Variants in TMEM219 observed in about 807,000 individuals in gnomAD.
TMEM219 encodes transmembrane protein 219, also known as insulin-like growth factor-binding protein 3 receptor.
A neutral mutation model predicts 17.9 loss-of-function variants in TMEM219; 18 were observed. The ratio of observed to expected loss-of-function variants is 1.01; its 90% CI spans 0.70 to 1.49. The LOEUF (loss-of-function observed/expected upper bound fraction) is 1.49, where lower values mean the gene tolerates loss of function less well. Among genes scored for constraint, TMEM219 ranks in the 40% most tolerant of loss-of-function variants. TMEM219 has a pLI of 0.00. For missense variants in TMEM219, 288 were observed against 292.4 expected (o/e 0.99, Z 0.11); for synonymous variants, 113 against 124.0 (o/e 0.91, Z 0.59).
intron 4 of TMEM219, among the ~76,000 whole-genome samples, chr16:29,969,601 C>G (rs1026837182): frequency 1.5e-4 from 23 of 151,640 alleles, no homozygotes; most frequent in African/African-American, 5.3e-4. Flanking sequence ...ATCCTTTGAT[C>G]CCAGGAGTTT....
At position 29,966,386 on chromosome 16, in the gene TMEM219, T is replaced by C. The variant is rs191789259; in HGVS notation, c.356-1639T>C. Among the ~76,000 whole-genome samples, 7 of 152,324 alleles carry C rather than the reference T, an allele frequency of 4.6e-5. No homozygotes were observed. The East Asian group carries it at 1.2e-3, about 25-fold the overall frequency. On this transcript the variant is annotated intron_variant, in intron 3 of 5. Transcript: ENST00000279396. ...ATATATTATAGGTATTTTCAATATGTTACTTGTTTTTTTAACTTATCTTTC... is the reference window on the plus strand; with the variant it reads ...ATATATTATAGGTATTTTCAATATGCTACTTGTTTTTTTAACTTATCTTTC...
chr16:29,969,203 T>TC (rs1423940062), intron 4 of TMEM219, among the ~76,000 whole-genome samples: 5 of 147,472 alleles, frequency 3.4e-5, no homozygotes, highest in Admixed American at 2.0e-4. Context: ...TTTTTTTTTT[T>TC]TTTTTTTTTT....
chr16:29,963,965 G>A (rs1024429963), intron 3 of TMEM219, among the ~76,000 whole-genome samples: 1 of 151,216 alleles, frequency 6.6e-6, no homozygotes, highest in African/African-American at 2.4e-5. Context: ...GGCAGATCAC[G>A]AGGTTAGGAG....
In TMEM219 at chr16:29,968,387, C is replaced by T. The variant is rs924212346; in HGVS notation, c.585+133C>T. On this transcript the variant is annotated intron_variant, in intron 4 of 5. Coordinates refer to ENST00000279396, the MANE Select transcript of TMEM219 (RefSeq NM_001083613.2). Reference sequence around the variant, plus strand: ...TAACCCTGCCTTGGGGGCTGTGTGACGTAGAACAAGTGTCTAAACATCTCT... The same window carrying T: ...TAACCCTGCCTTGGGGGCTGTGTGATGTAGAACAAGTGTCTAAACATCTCT... 11 of 674,838 alleles carry T rather than the reference C, an allele frequency of 1.6e-5. No homozygotes were observed. The Middle Eastern group carries it at 1.2e-3, about 75-fold the overall frequency. The allele number at this position is 674,838 out of a possible 1,614,324, so 41.8% of individuals were successfully genotyped here.
At chr16:29,965,548 G>A (rs1489470015) in intron 3 of TMEM219, among the ~76,000 whole-genome samples, 2 of 126,144 alleles carry the variant, frequency 1.6e-5, no homozygotes, top group African/African-American at 3.1e-5. Flanking sequence ...GCAAGACTCT[G>A]TCTCTACTAA....
At chr16:29,964,809 CTTCTGTGATT>C (rs1216610924) in intron 3 of TMEM219, among the ~76,000 whole-genome samples, 2 of 152,176 alleles carry the variant, frequency 1.3e-5, no homozygotes, top group Admixed American at 1.3e-4. Context: ...ACTTTAGTCA[CTTCTGTGATT>C]AGGGCTTTCA....
Position 29,968,093 on chromosome 16 carries a change from C to G in TMEM219, c.424C>G (p.Leu142Val). 6.2e-7 allele frequency: 1 copy of G among 1,614,154 alleles called. No individual in the cohort carries two copies. The highest frequency in any genetic ancestry group is 8.5e-7 in the Non-Finnish European group (1 of 1,180,030). Residue 142 changes from leucine (L) to valine (V), a missense_variant, in exon 4 of 6, where the codon CTA (leucine) becomes GTA (valine). By Grantham distance (32) the Leu-to-Val change is conservative (BLOSUM62 1). Coordinates refer to ENST00000279396, the MANE Select transcript of TMEM219 (RefSeq NM_001083613.2). ...CACAGAAAGGACTGCAGGAACCTGCCTATATTTTAGTGCTGTTCCAGGAAT... is the reference window on the plus strand; with the variant it reads ...CACAGAAAGGACTGCAGGAACCTGCGTATATTTTAGTGCTGTTCCAGGAAT... ...VTTERTAGTCLYFSAVPGILP... is the reference protein window; with the variant it reads ...VTTERTAGTCVYFSAVPGILP...
rs192450438 is a variant in TMEM219, at chr16:29,963,865, A to C, written c.355+276A>C. On this transcript the variant is annotated intron_variant, in intron 3 of 5. Transcript: ENST00000279396. ...ACCATTGCACTCCAGCCTGGGTGAC[A>C]GAGCAAGACTCTGTCTCAAAAAAAA... Among the ~76,000 whole-genome samples the C allele has an allele frequency of 2.2e-4, 30 of 138,238 alleles. No individual in the cohort carries two copies. In the East Asian group the frequency reaches 4.4e-3, roughly 20 times the overall value. The allele number at this position is 138,238 out of a possible 152,430, so 90.7% of individuals were successfully genotyped here.
rs553708059 is a variant in TMEM219, at chr16:29,970,411, G to A, written c.586-997G>A. Among the ~76,000 whole-genome samples, 295 of 144,970 alleles carry A rather than the reference G, an allele frequency of 2.0e-3. 1 individual carries two copies. The highest frequency in any genetic ancestry group is 0.011 in the Middle Eastern group (3 of 276). On this transcript the variant is annotated intron_variant, in intron 4 of 5. Transcript: ENST00000279396. ...GCAATCTCAGCTTACTGCAAGCTCC[G>A]CCTCCCAGGTTCACGCCATTCTCCT... is the stretch of plus-strand genomic sequence containing the variant.
intron 4 of TMEM219, among the ~76,000 whole-genome samples, chr16:29,970,545 C>T (rs561968608): frequency 1.3e-5 from 2 of 151,864 alleles, no homozygotes; most frequent in South Asian, 2.1e-4. Context: ...AGGATGGTCT[C>T]AATCTCCTGA....
At chr16:29,968,388 G>A (rs771246360) in intron 4 of TMEM219, 134 bp downstream of exon 4, 16 of 662,172 alleles carry the variant, frequency 2.4e-5, no homozygotes, top group South Asian at 3.8e-5. Flanking sequence ...GCTGTGTGAC[G>A]TAGAACAAGT....
In TMEM219 at chr16:29,963,608, T is replaced by G. The variant is rs1596575488; in HGVS notation, c.355+19T>G. The G allele has an allele frequency of 6.2e-7, 1 of 1,608,406 alleles. No individual in the cohort carries two copies. The highest frequency in any genetic ancestry group is 8.5e-7 in the Non-Finnish European group (1 of 1,176,696). Reference sequence around the variant, plus strand: ...TTGAAAGGTGAGATCAGAGGCTGGGTGTGGTGGCTCACGCCTGTAATCCCA... The same window carrying G: ...TTGAAAGGTGAGATCAGAGGCTGGGGGTGGTGGCTCACGCCTGTAATCCCA... On this transcript the variant is annotated intron_variant, in intron 3 of 5. Coordinates refer to ENST00000279396, the MANE Select transcript of TMEM219 (RefSeq NM_001083613.2).
chr16:29,968,511 C>T lies in TMEM219; in HGVS notation c.585+257C>T, dbSNP rs941899901. The T allele has an allele frequency of 1.1e-4, 45 of 416,222 alleles. 1 individual carries two copies. The South Asian group carries it at 1.7e-3, about 15-fold the overall frequency. 25.8% of individuals were successfully genotyped at this position (416,222 alleles called of 1,614,324 possible). A position where few individuals can be genotyped will look rare whatever the true frequency, so the allele number is the denominator to read the frequency against. Reference sequence around the variant, plus strand: ...GAGAATGACCGTGAAGTGCCCAGCACATTGCCTGGGACATAGAGATTTGAT... The same window carrying T: ...GAGAATGACCGTGAAGTGCCCAGCATATTGCCTGGGACATAGAGATTTGAT... On this transcript the variant is annotated intron_variant, in intron 4 of 5. Coordinates refer to ENST00000279396, the MANE Select transcript of TMEM219 (RefSeq NM_001083613.2).
chr16:29,967,589 C>T lies in TMEM219; in HGVS notation c.356-436C>T, dbSNP rs573455566. On this transcript the variant is annotated intron_variant, in intron 3 of 5. Transcript: ENST00000279396. ...TCGTGCCACTGCACTCCAACCTGCA[C>T]GACAAAGTGAGACCCCATCTCAAAA... 1.1e-4 allele frequency among the ~76,000 whole-genome samples: 17 copies of T among 151,736 alleles called. No individual in the cohort carries two copies. The South Asian group carries it at 2.9e-3, about 26-fold the overall frequency.
intron 5 of TMEM219, chr16:29,971,843 G>A (rs1415081935): frequency 1.5e-5 from 4 of 258,820 alleles, no homozygotes; most frequent in Non-Finnish European, 3.0e-5. Context: ...AGGACAGCTT[G>A]GCAAATTATT....
At chr16:29,967,789 T>C (rs2069231274) in intron 3 of TMEM219, among the ~76,000 whole-genome samples, 2 of 152,016 alleles carry the variant, frequency 1.3e-5, no homozygotes, top group Admixed American at 1.3e-4. Context: ...TAGCTGGGCC[T>C]GGTGGTGGGC....
rs569318975 is a variant in TMEM219, at chr16:29,967,129, G to A, written c.356-896G>A. ...GCAATGTGTATCTGCCCATTTCACT[G>A]CAGCCTTGCGAGTATTAGTATGGTT... is the stretch of plus-strand genomic sequence containing the variant. On this transcript the variant is annotated intron_variant, in intron 3 of 5. Coordinates refer to ENST00000279396, the MANE Select transcript of TMEM219 (RefSeq NM_001083613.2). 6.4e-4 allele frequency among the ~76,000 whole-genome samples: 98 copies of A among 152,120 alleles called. 1 individual carries two copies. Among genetic ancestry groups the A allele is most frequent in the Non-Finnish European group, 1.1e-3 (73 of 68,026 alleles).
At chr16:29,968,649 G>C (rs2069245041) in intron 4 of TMEM219, 1 of 176,692 alleles carries the variant, frequency 5.7e-6, no homozygotes, top group South Asian at 1.3e-4. Flanking sequence ...AGAGATGTGA[G>C]CAAAGTGTTA....
intron 2 of TMEM219, 23 bp from the exon 3 acceptor site, chr16:29,963,377 C>T: frequency 1.2e-6 from 2 of 1,613,718 alleles, no homozygotes; most frequent in Non-Finnish European, 1.7e-6. Flanking sequence ...AATCTCATCT[C>T]ACCCGTCTTC....
Sources: gnomAD v4.1 joint callset for allele counts (sites outside exome capture counted in the v4.1 genomes callset) on GRCh38, gnomAD v4.1.1 for gene constraint, MANE v1.5 for transcripts, NCBI Gene and HGNC (gene_info 2026-07-23, HGNC 2026-07-21) for gene names.